The following LGR5 variants were observed in gnomAD, a reference collection of about 807,000 sequenced individuals.
The protein encoded by LGR5 is leucine-rich repeat-containing G protein-coupled receptor 5.
In LGR5, 54 loss-of-function variants were observed where a neutral mutation model predicts 76.7. That is an observed-to-expected ratio of 0.70 (90% CI 0.57 to 0.88). LGR5 has a LOEUF of 0.88. LGR5 is among the 40% of genes least tolerant of loss of function. LGR5 has a pLI of 0.00. For missense variants in LGR5, 1,078 were observed against 1,073.3 expected, an observed-to-expected ratio of 1.00 and a Z score of -0.06; for synonymous variants, 406 against 421.9, an observed-to-expected ratio of 0.96 and a Z score of 0.46.
chr12:71,492,208 G>A (rs934998465), intron 1 of LGR5, among the ~76,000 whole-genome samples: 8 of 152,254 alleles, frequency 5.3e-5, no homozygotes, highest in Non-Finnish European at 8.8e-5. Context: ...ACTCCCACTC[G>A]TAAGAACAAA....
At chr12:71,569,034 T>C (rs1878479097) in intron 11 of LGR5, among the ~76,000 whole-genome samples, 1 of 152,164 alleles carries the variant, frequency 6.6e-6, no homozygotes, top group South Asian at 2.1e-4. Context: ...ATGGTACCTT[T>C]ATATAAGAAG....
rs529727373 is a variant in LGR5, at chr12:71,558,809, A to T, written c.717-777A>T. Among the ~76,000 whole-genome samples, 9 of 152,306 alleles carry T rather than the reference A, an allele frequency of 5.9e-5. No homozygotes were observed. The East Asian group carries it at 1.7e-3, about 29-fold the overall frequency. On this transcript the variant is annotated intron_variant, in intron 6 of 17. Coordinates refer to ENST00000266674, the MANE Select transcript of LGR5 (RefSeq NM_003667.4). Reference sequence around the variant, plus strand: ...ATTACTTTTTCATACGAAGATCTAGATATAAGGTAGAGTAAGTCTGTAAAG... The same window carrying T: ...ATTACTTTTTCATACGAAGATCTAGTTATAAGGTAGAGTAAGTCTGTAAAG...
intron 15 of LGR5, 73 bp from the exon 16 acceptor site, chr12:71,580,204 TG>T: frequency 7.3e-7 from 1 of 1,370,718 alleles, no homozygotes; most frequent in Non-Finnish European, 1.0e-6. Flanking sequence ...AATAATTGGG[TG>T]AAAGAACATG....
At chr12:71,455,315 A>G (rs1381574169) in intron 1 of LGR5, among the ~76,000 whole-genome samples, 1 of 152,148 alleles carries the variant, frequency 6.6e-6, no homozygotes, top group Non-Finnish European at 1.5e-5. Context: ...AGGTAAATAC[A>G]TGTTCTGAAG....
chr12:71,462,537 C>A (rs1262314812), intron 1 of LGR5, among the ~76,000 whole-genome samples: 1 of 152,118 alleles, frequency 6.6e-6, no homozygotes, highest in East Asian at 1.9e-4. Context: ...ACCAGTTTCT[C>A]CCATGGGCAA....
At chr12:71,535,055 G>T (rs1264745701) in intron 3 of LGR5, 60 bp from the exon 4 acceptor site, 15 of 1,189,344 alleles carry the variant, frequency 1.3e-5, no homozygotes, top group Admixed American at 8.7e-5. Context: ...GCCTGGCCTT[G>T]TTTAGGCCTG....
chr12:71,580,268 T>G lies in LGR5; in HGVS notation c.1407-10T>G. 4 of 1,589,142 alleles carry G rather than the reference T, an allele frequency of 2.5e-6. No individual in the cohort carries two copies. Among genetic ancestry groups the G allele is most frequent in the Non-Finnish European group, 2.6e-6 (3 of 1,170,918 alleles). The stretch of plus-strand genomic sequence containing the variant: ...TAAGTGTTTTTTGTTTGGGTTTTGT[T>G]CATTTAAAGGGTTATAGAAATGCCT... On this transcript the variant is annotated splice_polypyrimidine_tract_variant and intron_variant, in intron 15 of 17. Transcript: ENST00000266674.
At position 71,553,179 on chromosome 12, in the gene LGR5, G is replaced by A. The variant is rs565985845; in HGVS notation, c.535G>A (p.Val179Ile). ...TGACAATGCGTTAACAGAAATCCCC[G>A]TCCAGGCTTTTAGAAGTTTATCGGC... ...LDDNALTEIP[V>I]QAFRSLSALQ... Residue 179 changes from valine to isoleucine, a missense_variant, in exon 5 of 18, where the codon GTC (valine) becomes ATC (isoleucine). By Grantham distance (29) the Val-to-Ile change is conservative (BLOSUM62 3). Coordinates refer to ENST00000266674, the MANE Select transcript of LGR5 (RefSeq NM_003667.4). 46 of 1,613,784 alleles carry A rather than the reference G, an allele frequency of 2.9e-5. No homozygotes were observed. The highest frequency in any genetic ancestry group is 1.9e-4 in the South Asian group (17 of 91,082).
chr12:71,540,219 G>C (rs970708965), intron 4 of LGR5, among the ~76,000 whole-genome samples: 1 of 152,136 alleles, frequency 6.6e-6, no homozygotes, highest in African/African-American at 2.4e-5. Context: ...ACTGTCACTA[G>C]TGAAGTTCAA....
intron 14 of LGR5, 96 bp from the exon 15 acceptor site, chr12:71,578,708 T>C (rs1592564374): frequency 8.0e-7 from 1 of 1,254,028 alleles, no homozygotes; most frequent in Non-Finnish European, 1.1e-6. Context: ...AAGTTTTTAT[T>C]GAGTAGTTTA....
chr12:71,545,307 G>A (rs932422581), intron 4 of LGR5, among the ~76,000 whole-genome samples: 4 of 152,010 alleles, frequency 2.6e-5, no homozygotes, highest in Non-Finnish European at 4.4e-5. Context: ...AATTAGCTGG[G>A]CATGGTGGTG....
intron 12 of LGR5, 85 bp downstream of exon 12, chr12:71,571,664 T>A: frequency 1.1e-6 from 1 of 946,256 alleles, no homozygotes; most frequent in Non-Finnish European, 1.7e-6. Flanking sequence ...ATTTACCCTG[T>A]GGTTCACTGG....
intron 1 of LGR5, among the ~76,000 whole-genome samples, chr12:71,475,716 A>G (rs1257682066): frequency 6.6e-6 from 1 of 152,200 alleles, no homozygotes; most frequent in African/African-American, 2.4e-5. Flanking sequence ...TGGAACCCTA[A>G]CAAAAGAAAG....
chr12:71,486,757 A>C (rs1448978663), intron 1 of LGR5, among the ~76,000 whole-genome samples: 2 of 152,206 alleles, frequency 1.3e-5, no homozygotes, highest in African/African-American at 4.8e-5. Flanking sequence ...TTAAAGTATC[A>C]TTAAAACTTC....
At chr12:71,457,945 G>A (rs1161193577) in intron 1 of LGR5, among the ~76,000 whole-genome samples, 4 of 152,206 alleles carry the variant, frequency 2.6e-5, no homozygotes, top group Non-Finnish European at 5.9e-5. Context: ...GGAACCTGAC[G>A]CCACAGATGC....
At chr12:71,538,477 C>A (rs536104641) in intron 4 of LGR5, among the ~76,000 whole-genome samples, 1 of 152,078 alleles carries the variant, frequency 6.6e-6, no homozygotes, top group African/African-American at 2.4e-5. Flanking sequence ...CCTGATCATG[C>A]CACTGCACTC....
intron 7 of LGR5, 33 bp from the exon 8 acceptor site, chr12:71,561,748 C>A: frequency 7.2e-7 from 1 of 1,380,178 alleles, no homozygotes; most frequent in South Asian, 1.3e-5. Context: ...TTACCCCACA[C>A]AGGATTTTTT....
chr12:71,583,533 G>A (rs1183205543), intron 17 of LGR5, 114 bp from the exon 18 acceptor site: 1 of 1,195,512 alleles, frequency 8.4e-7, no homozygotes, highest in African/African-American at 1.5e-5. Context: ...TGTGTTATTA[G>A]GCTGTTTTTG....
intron 11 of LGR5, among the ~76,000 whole-genome samples, chr12:71,568,874 A>C (rs1358788139): frequency 1.3e-5 from 2 of 152,214 alleles, no homozygotes; most frequent in African/African-American, 2.4e-5. Context: ...GGAATTATTT[A>C]GCCCATTCTG....
Sources: gnomAD v4.1 joint callset for allele counts (sites outside exome capture counted in the v4.1 genomes callset) on GRCh38, gnomAD v4.1.1 for gene constraint, MANE v1.5 for transcripts, NCBI Gene and HGNC (gene_info 2026-07-23, HGNC 2026-07-21) for gene names.